WDR7: variants seen among roughly 807,000 people sequenced by gnomAD.
The protein encoded by WDR7 is WD repeat domain 7, also known as WD repeat-containing protein 7.
Under a neutral mutation model 169.4 loss-of-function variants are expected in WDR7, and 46 were observed. The ratio of observed to expected loss-of-function variants is 0.27; its 90% CI spans 0.21 to 0.35. WDR7 has a LOEUF of 0.35. Among genes scored for constraint, WDR7 ranks in the 10% least tolerant of loss-of-function variants. The pLI is 1.00. For synonymous variants in WDR7, 612 were observed against 666.8 expected (o/e 0.92, Z 1.27); for missense variants, 1,534 against 1,859.3 (o/e 0.83, Z 3.22).
At chr18:57,010,183 G>C (rs1242491711) in intron 26 of WDR7, 4 of 985,220 alleles carry the variant, frequency 4.1e-6, no homozygotes, top group Non-Finnish European at 4.8e-6. Flanking sequence ...TGTTCAAATA[G>C]TTTTCTATTA....
intron 26 of WDR7, among the ~76,000 whole-genome samples, chr18:57,013,599 T>C (rs2048167785): frequency 6.6e-6 from 1 of 152,140 alleles, no homozygotes; most frequent in African/African-American, 2.4e-5. Flanking sequence ...AAGAGAGAAA[T>C]AGAAGAGGGT....
At chr18:56,979,730 A>G (rs1038975354) in intron 26 of WDR7, among the ~76,000 whole-genome samples, 11 of 152,130 alleles carry the variant, frequency 7.2e-5, no homozygotes, top group African/African-American at 2.2e-4. Flanking sequence ...CTAGTGCTAC[A>G]CACTATTGAA....
chr18:56,854,923 G>A (rs1053802082), intron 20 of WDR7, among the ~76,000 whole-genome samples: 5 of 152,178 alleles, frequency 3.3e-5, no homozygotes, highest in African/African-American at 1.2e-4. Flanking sequence ...AGTAACAAGG[G>A]CTAAGGGAGT....
intron 16 of WDR7, among the ~76,000 whole-genome samples, chr18:56,774,449 C>G (rs2044211585): frequency 6.6e-6 from 1 of 152,052 alleles, no homozygotes; most frequent in South Asian, 2.1e-4. Flanking sequence ...AATTTTGTCA[C>G]TATGTTGAAG....
At chr18:57,000,369 G>T (rs1336041944) in intron 26 of WDR7, among the ~76,000 whole-genome samples, 1 of 152,036 alleles carries the variant, frequency 6.6e-6, no homozygotes, top group Non-Finnish European at 1.5e-5. Flanking sequence ...AATAAAAAAG[G>T]TGTCAATTAA....
At chr18:56,922,776 A>G (rs1050182971) in intron 21 of WDR7, among the ~76,000 whole-genome samples, 1 of 151,562 alleles carries the variant, frequency 6.6e-6, no homozygotes, top group Non-Finnish European at 1.5e-5. Context: ...GCTTTACAAT[A>G]CTCTTCCCTT....
intron 2 of WDR7, among the ~76,000 whole-genome samples, chr18:56,677,970 CT>C (rs2025277379): frequency 6.6e-6 from 1 of 151,904 alleles, no homozygotes; most frequent in Non-Finnish European, 1.5e-5. Flanking sequence ...CTTTTGTTTC[CT>C]TTGACTGTAT....
chr18:56,792,828 G>A (rs1369985418), intron 19 of WDR7, among the ~76,000 whole-genome samples: 2 of 151,136 alleles, frequency 1.3e-5, no homozygotes, highest in African/African-American at 4.9e-5. Flanking sequence ...TATGACACAG[G>A]GCAGAATTAG....
intron 1 of WDR7, among the ~76,000 whole-genome samples, chr18:56,654,376 T>A (rs1468592987): frequency 1.3e-5 from 2 of 152,192 alleles, no homozygotes; most frequent in Non-Finnish European, 2.9e-5. Flanking sequence ...GTGATCTGCC[T>A]GCCTCAGCCT....
At chr18:56,758,457 T>A (rs1354236045) in intron 15 of WDR7, among the ~76,000 whole-genome samples, 1 of 152,206 alleles carries the variant, frequency 6.6e-6, no homozygotes, top group African/African-American at 2.4e-5. Flanking sequence ...GCCTCTATAG[T>A]CCAAGATTTC....
At chr18:56,983,566 CACACAGAGAG>C (rs776995694) in intron 26 of WDR7, among the ~76,000 whole-genome samples, 170 of 75,812 alleles carry the variant, frequency 2.2e-3, no homozygotes, top group Middle Eastern at 7.6e-3. Context: ...AACACACACA[CACACAGAGAG>C]AGAGAGAGAG....
chr18:57,030,192 G>A (rs1400099452), downstream of WDR7: 1 of 152,146 alleles, frequency 6.6e-6, no homozygotes, highest in Non-Finnish European at 1.5e-5. Flanking sequence ...AATCCCTCAG[G>A]TAAAGGGTAT....
rs80180977 is a variant in WDR7, at chr18:56,856,197, A to G, written c.3305-23747A>G. Among the ~76,000 whole-genome samples the G allele has an allele frequency of 9.4e-3, 1,439 of 152,312 alleles. 24 individuals carry two copies. The highest frequency in any genetic ancestry group is 0.033 in the African/African-American group (1,355 of 41,564). ...CCTCACAGCAGATGGGCCTTTGTGT[A>G]TATTTATTCTACAGAAGAAATCAAC... On this transcript the variant is annotated intron_variant, in intron 20 of 27. Coordinates refer to ENST00000254442, the MANE Select transcript of WDR7 (RefSeq NM_015285.3).
intron 26 of WDR7, chr18:57,010,114 A>T: frequency 1.0e-6 from 1 of 985,512 alleles, no homozygotes; most frequent in Non-Finnish European, 1.2e-6. Flanking sequence ...GAGGAACTCC[A>T]TGTGGAAGCA....
At chr18:56,891,192 G>A (rs2046258538) in intron 21 of WDR7, among the ~76,000 whole-genome samples, 1 of 152,030 alleles carries the variant, frequency 6.6e-6, no homozygotes, top group Admixed American at 6.6e-5. Flanking sequence ...AAGAGATAAC[G>A]GGAACTAATC....
At chr18:56,997,795 G>A (rs1568306301) in intron 26 of WDR7, among the ~76,000 whole-genome samples, 2 of 152,132 alleles carry the variant, frequency 1.3e-5, no homozygotes, top group African/African-American at 2.4e-5. Context: ...TATAACAGTG[G>A]GATGTAAAAT....
chr18:56,685,944 T>C lies in WDR7; in HGVS notation c.521-12T>C. The C allele has an allele frequency of 6.3e-7, 1 of 1,594,968 alleles. No individual in the cohort carries two copies. Among genetic ancestry groups the C allele is most frequent in the African/African-American group, 1.4e-5 (1 of 73,584 alleles). On this transcript the variant is annotated splice_polypyrimidine_tract_variant and intron_variant, in intron 5 of 27. Coordinates refer to ENST00000254442, the MANE Select transcript of WDR7 (RefSeq NM_015285.3). ...GTAACCTGGGCTGCTTTTTTGTCCC[T>C]TCTCATTTTAGAGGACACAGTGGTA...
At position 56,836,973 on chromosome 18, in the gene WDR7, CTGAT is replaced by C. The variant is rs113778487; in HGVS notation, c.3304+20830_3304+20833del. Among the ~76,000 whole-genome samples the C allele has an allele frequency of 2.4e-3, 360 of 152,300 alleles. 3 individuals are homozygous for C. The highest frequency in any genetic ancestry group is 8.4e-3 in the African/African-American group (349 of 41,558). On this transcript the variant is annotated intron_variant, in intron 20 of 27. Transcript: ENST00000254442. ...CAAAGATGACTTCTCAGAGCTGTGA[CTGAT>C]AAACATCTGTCACACAACAAACGTG...
intron 12 of WDR7, among the ~76,000 whole-genome samples, chr18:56,717,033 A>G (rs183495963): frequency 3.9e-5 from 6 of 152,320 alleles, no homozygotes; most frequent in South Asian, 2.1e-4. Context: ...TAGATCCCAT[A>G]CAAGGGAAAG....
Sources: gnomAD v4.1 joint callset for allele counts (sites outside exome capture counted in the v4.1 genomes callset) on GRCh38, gnomAD v4.1.1 for gene constraint, MANE v1.5 for transcripts, NCBI Gene and HGNC (gene_info 2026-07-23, HGNC 2026-07-21) for gene names.